ADGRL2: variants seen among roughly 807,000 people sequenced by gnomAD.
The protein encoded by ADGRL2 is calcium-independent alpha-latrotoxin receptor 2.
A neutral mutation model predicts 157.4 loss-of-function variants in ADGRL2; 44 were observed. That is an observed-to-expected ratio of 0.28 (90% confidence interval 0.22 to 0.36). The LOEUF (loss-of-function observed/expected upper bound fraction) is 0.36, where lower values mean the gene tolerates loss of function less well. Among genes scored for constraint, ADGRL2 ranks in the 10% least tolerant of loss-of-function variants. ADGRL2 has a pLI of 1.00. For synonymous variants in ADGRL2, 585 were observed against 624.7 expected (o/e 0.94, Z 0.95); for missense variants, 1,510 against 1,768.9 (o/e 0.85, Z 2.63).
chr1:81,439,828 A>G (rs932962729), intron 1 of ADGRL2, among the ~76,000 whole-genome samples: 1 of 152,198 alleles, frequency 6.6e-6, no homozygotes, highest in Non-Finnish European at 1.5e-5. Context: ...CTTTCTTGCT[A>G]CCTGCACTCA....
At position 81,536,900 on chromosome 1, in the gene ADGRL2, A is replaced by G. The variant is rs142652290; in HGVS notation, c.-247-43976A>G. On this transcript the variant is annotated intron_variant, in intron 2 of 24. Coordinates refer to the ADGRL2 transcript ENST00000370721. Reference sequence around the variant, plus strand: ...ACTGAGCTAGGCACTGCATAAGCGTATTTGGTCTTTAAATCACAACATACT... The same window carrying G: ...ACTGAGCTAGGCACTGCATAAGCGTGTTTGGTCTTTAAATCACAACATACT... 4.7e-4 allele frequency among the ~76,000 whole-genome samples: 72 copies of G among 152,328 alleles called. 2 individuals carry two copies. The highest frequency in any genetic ancestry group is 3.4e-3 in the Middle Eastern group (1 of 294).
rs146142489 is a variant in ADGRL2, at chr1:81,361,910, C to A, written c.-302+55401C>A. On this transcript the variant is annotated intron_variant, in intron 1 of 24. Transcript: ENST00000370721. ...ATTTTTTTCCTCCCCCATTCAATAA[C>A]CCTCTGTTCCAGTAGCATACACTAT... Among the ~76,000 whole-genome samples, 47 of 151,934 alleles carry A rather than the reference C, an allele frequency of 3.1e-4. No homozygotes were observed. In the East Asian group the frequency reaches 5.2e-3, roughly 17 times the overall value.
chr1:81,971,233 G>T (rs966034224), intron 16 of ADGRL2, among the ~76,000 whole-genome samples: 1 of 152,084 alleles, frequency 6.6e-6, no homozygotes, highest in Non-Finnish European at 1.5e-5. Context: ...GAAATTCAGT[G>T]GGGATTCCAT....
intron 3 of ADGRL2, among the ~76,000 whole-genome samples, chr1:81,594,346 T>G (rs1386941271): frequency 1.3e-5 from 2 of 152,210 alleles, no homozygotes; most frequent in Non-Finnish European, 1.5e-5. Flanking sequence ...GAAACTCTTC[T>G]TTTAGTTCAC....
chr1:81,905,750 A>G (rs2094571533), intron 2 of ADGRL2, among the ~76,000 whole-genome samples: 1 of 152,182 alleles, frequency 6.6e-6, no homozygotes, highest in African/African-American at 2.4e-5. Context: ...TTGCCTCTGT[A>G]TTTAAAATAG....
chr1:81,904,091 T>C (rs1341702718), intron 2 of ADGRL2, among the ~76,000 whole-genome samples: 8 of 152,102 alleles, frequency 5.3e-5, no homozygotes, highest in Non-Finnish European at 1.2e-4. Context: ...ATTTATGTTG[T>C]GTTAATCACT....
At chr1:81,947,390 G>A (rs1038138089) in intron 6 of ADGRL2, among the ~76,000 whole-genome samples, 5 of 152,160 alleles carry the variant, frequency 3.3e-5, no homozygotes, top group African/African-American at 7.2e-5. Flanking sequence ...GTTGGATACC[G>A]TATTTTTCTA....
At chr1:81,776,550 A>T (rs1489108244) in intron 2 of ADGRL2, among the ~76,000 whole-genome samples, 2 of 152,218 alleles carry the variant, frequency 1.3e-5, no homozygotes, top group African/African-American at 2.4e-5. Flanking sequence ...GAAGAAACAG[A>T]TAAAGAAAAC....
At chr1:81,581,832 A>T (rs1319649074) in intron 3 of ADGRL2, among the ~76,000 whole-genome samples, 1 of 151,258 alleles carries the variant, frequency 6.6e-6, no homozygotes, top group East Asian at 2.0e-4. Flanking sequence ...AGCTTTTCCA[A>T]TCAAATACGG....
chr1:81,845,416 G>T (rs945479341), intron 2 of ADGRL2, among the ~76,000 whole-genome samples: 2 of 151,838 alleles, frequency 1.3e-5, no homozygotes, highest in Admixed American at 6.6e-5. Flanking sequence ...TGGCTTTTTT[G>T]AAGAGTTAAA....
At chr1:81,545,680 T>C (rs889801814) in intron 2 of ADGRL2, among the ~76,000 whole-genome samples, 1 of 152,180 alleles carries the variant, frequency 6.6e-6, no homozygotes, top group African/African-American at 2.4e-5. Context: ...TCAGTTGTTA[T>C]CCCCATTATA....
At chr1:81,353,286 C>T (rs1186432371) in intron 1 of ADGRL2, among the ~76,000 whole-genome samples, 3 of 152,060 alleles carry the variant, frequency 2.0e-5, no homozygotes, top group Admixed American at 6.6e-5. Flanking sequence ...CAGATTGGGT[C>T]CTTTTATTCC....
At chr1:81,611,237 T>C (rs1332665958) in intron 3 of ADGRL2, among the ~76,000 whole-genome samples, 3 of 152,190 alleles carry the variant, frequency 2.0e-5, no homozygotes, top group Middle Eastern at 3.2e-3. Context: ...ATGACAATTA[T>C]TGAGAGAAGG....
rs1218947194 is a variant in ADGRL2 at position 81,990,974 on chromosome 1, G to A, written c.4239G>A (p.Glu1413=). 1.2e-6 allele frequency: 2 copies of A among 1,614,058 alleles called. No homozygotes were observed. The highest frequency in any genetic ancestry group is 3.3e-5 in the Admixed American group (2 of 59,998). The part of the protein sequence containing the change: ...DLSPSRRSEN[E]DIYYKSMPNL... ...CTCCCTCCAGGAGGAGTGAGAATGA[G>A]GACATTTACTATAAAAGCATGCCAA... is the stretch of plus-strand genomic sequence containing the variant. The change falls in exon 24 of 24, where the codon GAG becomes GAA. Residue 1413 remains glutamate (E), a synonymous_variant. Coordinates refer to ENST00000686636, the MANE Select transcript of ADGRL2 (RefSeq NM_001366006.2).
chr1:81,437,096 A>C (rs999401988), intron 1 of ADGRL2, among the ~76,000 whole-genome samples: 1 of 152,190 alleles, frequency 6.6e-6, no homozygotes, highest in Non-Finnish European at 1.5e-5. Flanking sequence ...CAATTTATCC[A>C]ACCAAGGCAA....
chr1:81,650,590 A>AAAG (rs2082400008), intron 3 of ADGRL2, among the ~76,000 whole-genome samples: 1 of 147,952 alleles, frequency 6.8e-6, no homozygotes, highest in Admixed American at 6.8e-5. Context: ...AAAAAAAAAA[A>AAAG]AAAGAAAAAG....
At chr1:81,407,278 C>T (rs2076869931) in intron 1 of ADGRL2, among the ~76,000 whole-genome samples, 2 of 152,216 alleles carry the variant, frequency 1.3e-5, no homozygotes, top group African/African-American at 4.8e-5. Flanking sequence ...AACCAGCCTC[C>T]TGGATCCGGA....
chr1:81,542,161 C>T (rs527831675), intron 2 of ADGRL2, among the ~76,000 whole-genome samples: 26 of 152,284 alleles, frequency 1.7e-4, no homozygotes, highest in African/African-American at 3.9e-4. Context: ...GTTCTCGCCC[C>T]GTACCACAGG....
chr1:81,907,704 C>A (rs2148325731), intron 3 of ADGRL2, among the ~76,000 whole-genome samples: 1 of 152,000 alleles, frequency 6.6e-6, no homozygotes, highest in African/African-American at 2.4e-5. Context: ...GATCCATATC[C>A]ACACACAGAG....
Sources: allele counts gnomAD v4.1 joint callset (sites outside exome capture counted in the v4.1 genomes callset), GRCh38; gene constraint gnomAD v4.1.1; transcripts MANE v1.5; gene names NCBI Gene and HGNC (gene_info 2026-07-23, HGNC 2026-07-21).